DENND1B: variants seen among roughly 807,000 people sequenced by gnomAD.
DENND1B encodes DENN domain-containing protein 1B.
DENND1B carries 59 observed loss-of-function variants against 90.1 expected under a neutral mutation model. The observed-to-expected ratio is 0.65, with a 90% CI of 0.53 to 0.81. DENND1B has a LOEUF of 0.81. Among genes scored for constraint, DENND1B ranks in the 40% least tolerant of loss-of-function variants. The pLI, the probability that DENND1B is intolerant of heterozygous loss-of-function variation, is 0.00. For missense variants in DENND1B, 862 were observed against 912.6 expected, an observed-to-expected ratio of 0.94 and a Z score of 0.71; for synonymous variants, 337 against 324.6, an observed-to-expected ratio of 1.04 and a Z score of -0.41.
At chr1:197,737,261 T>C (rs1014084985) in intron 2 of DENND1B, among the ~76,000 whole-genome samples, 5 of 152,200 alleles carry the variant, frequency 3.3e-5, no homozygotes, top group African/African-American at 7.2e-5. Flanking sequence ...AGCACCACCA[T>C]AGCCCTATTC....
intron 3 of DENND1B, among the ~76,000 whole-genome samples, chr1:197,678,421 C>T (rs930607691): frequency 2.0e-5 from 3 of 152,010 alleles, no homozygotes; most frequent in Non-Finnish European, 2.9e-5. Flanking sequence ...CCATTTTAAT[C>T]GAATTTTTCA....
At chr1:197,702,541 G>A (rs1052627482) in intron 3 of DENND1B, among the ~76,000 whole-genome samples, 7 of 152,126 alleles carry the variant, frequency 4.6e-5, no homozygotes, top group African/African-American at 1.4e-4. Flanking sequence ...TAACCAAAAT[G>A]TGGAATTGAT....
intron 13 of DENND1B, among the ~76,000 whole-genome samples, chr1:197,602,439 T>C (rs1676293543): frequency 6.6e-6 from 1 of 151,462 alleles, no homozygotes; most frequent in Non-Finnish European, 1.5e-5. Flanking sequence ...TAATAAAATG[T>C]TCTCCAAGTT....
At chr1:197,585,103 C>T (rs999220204) in intron 14 of DENND1B, among the ~76,000 whole-genome samples, 55 of 152,120 alleles carry the variant, frequency 3.6e-4, no homozygotes, top group African/African-American at 1.1e-3. Context: ...AATTTATAAT[C>T]TATCGGAGGA....
rs1676762739 is a variant in DENND1B at position 197,607,189 on chromosome 1, C to T, written c.820-15G>A. 1 of 1,497,030 alleles carries T rather than the reference C, an allele frequency of 6.7e-7. No homozygotes were observed. Among genetic ancestry groups the T allele is most frequent in the Non-Finnish European group, 9.2e-7 (1 of 1,089,772 alleles). 92.7% of individuals were successfully genotyped at this position (1,497,030 alleles called of 1,614,324 possible). On this transcript the variant is annotated splice_polypyrimidine_tract_variant and intron_variant, in intron 12 of 22. Transcript: ENST00000620048. ...TTTTTCACTCTCTATAAAAAAAACACAATTATGAATACAAATCAGTATATT... is the reference window on the plus strand; with the variant it reads ...TTTTTCACTCTCTATAAAAAAAACATAATTATGAATACAAATCAGTATATT...
upstream of DENND1B, among the ~76,000 whole-genome samples, chr1:197,779,464 T>C (rs1657377077): frequency 6.6e-6 from 1 of 152,132 alleles, no homozygotes. Flanking sequence ...TCATCAGTTC[T>C]GGAAAATTCT....
intron 13 of DENND1B, among the ~76,000 whole-genome samples, chr1:197,602,122 T>C (rs1233203361): frequency 6.6e-6 from 1 of 151,574 alleles, no homozygotes; most frequent in Non-Finnish European, 1.5e-5. Flanking sequence ...TATATATACG[T>C]CCAGGTTTCT....
chr1:197,674,140 A>G lies in DENND1B; in HGVS notation c.156T>C (p.Cys52=), dbSNP rs368314088. The stretch of plus-strand genomic sequence containing the variant: ...TGTACCTTTCAACGTCAAAGGGAAA[A>G]CAGAACTTTGGCACACTCTGTAGTA... ...QEILQSVPKF[C]FPFDVERVSQ... Residue 52 remains cysteine, a synonymous_variant, in exon 4 of 23, where the codon TGT becomes TGC. Transcript: ENST00000620048. 6.6e-4 allele frequency: 1,063 copies of G among 1,603,370 alleles called. 3 individuals carry two copies. Among genetic ancestry groups the G allele is most frequent in the South Asian group, 1.2e-3 (107 of 89,744 alleles).
intron 2 of DENND1B, among the ~76,000 whole-genome samples, chr1:197,739,447 G>A (rs1380538117): frequency 1.3e-5 from 2 of 152,150 alleles, no homozygotes; most frequent in African/African-American, 4.8e-5. Context: ...ATATTCTCTG[G>A]AATTACATTA....
At chr1:197,615,893 T>C (rs1357269346) in intron 11 of DENND1B, among the ~76,000 whole-genome samples, 2 of 150,806 alleles carry the variant, frequency 1.3e-5, no homozygotes, top group Admixed American at 6.6e-5. Flanking sequence ...CATTAGACAC[T>C]AGAAAGAAAA....
intron 13 of DENND1B, among the ~76,000 whole-genome samples, chr1:197,601,367 G>A (rs1212793857): frequency 6.6e-6 from 1 of 151,690 alleles, no homozygotes; most frequent in Non-Finnish European, 1.5e-5. Context: ...AGGTCACCAG[G>A]TCATTATGAT....
chr1:197,720,796 T>C (rs1375021237), intron 2 of DENND1B, among the ~76,000 whole-genome samples: 2 of 152,194 alleles, frequency 1.3e-5, no homozygotes, highest in Non-Finnish European at 2.9e-5. Flanking sequence ...GACTGTACTA[T>C]AAACCTTAAG....
intron 12 of DENND1B, among the ~76,000 whole-genome samples, chr1:197,608,881 A>G (rs1676932485): frequency 6.6e-6 from 1 of 150,618 alleles, no homozygotes; most frequent in Non-Finnish European, 1.5e-5. Flanking sequence ...AAAGAATAGA[A>G]AAATATATTC....
chr1:197,777,732 C>A (rs1193274850), upstream of DENND1B, among the ~76,000 whole-genome samples: 9 of 152,016 alleles, frequency 5.9e-5, no homozygotes, highest in Admixed American at 2.0e-4. Context: ...CAGGACCATA[C>A]CAGTCAAAGA....
chr1:197,620,149 G>GATAATCCTCC (rs1471511713), intron 10 of DENND1B, among the ~76,000 whole-genome samples: 2 of 151,038 alleles, frequency 1.3e-5, no homozygotes, highest in Non-Finnish European at 3.0e-5. Flanking sequence ...GCATCCCAAA[G>GATAATCCTCC]ATAATCCTCC....
chr1:197,690,133 T>C (rs6691216), intron 3 of DENND1B: 116,276 of 260,342 alleles, frequency 0.45, 29,515 homozygotes, highest in East Asian at 0.66. Context: ...GTAGAGTCTG[T>C]TGAAATGCAC....
At position 197,624,867 on chromosome 1, in the gene DENND1B, A is replaced by C. The variant is rs956275676; in HGVS notation, c.673-7108T>G. ...GCCAAGGCTCGAGAACTATGTGAAG[A>C]ATGCAGAAGCCTCAGGAGCCGATGC... On this transcript the variant is annotated intron_variant, in intron 10 of 22. Transcript: ENST00000620048. Among the ~76,000 whole-genome samples the C allele has an allele frequency of 3.9e-5, 6 of 152,050 alleles. No individual in the cohort carries two copies. The South Asian group carries it at 1.2e-3, about 31-fold the overall frequency.
chr1:197,526,616 T>A (rs1669150708), intron 20 of DENND1B, among the ~76,000 whole-genome samples: 1 of 152,138 alleles, frequency 6.6e-6, no homozygotes, highest in African/African-American at 2.4e-5. Context: ...GGCAATAAAT[T>A]TGAAGAGTAA....
chr1:197,575,288 G>T (rs963698433), intron 15 of DENND1B, among the ~76,000 whole-genome samples: 1 of 151,840 alleles, frequency 6.6e-6, no homozygotes, highest in Non-Finnish European at 1.5e-5. Flanking sequence ...AGGAACAGAC[G>T]CTTCTCAAAA....
Sources: allele counts gnomAD v4.1 joint callset (sites outside exome capture counted in the v4.1 genomes callset), GRCh38; gene constraint gnomAD v4.1.1; transcripts MANE v1.5; gene names NCBI Gene and HGNC (gene_info 2026-07-23, HGNC 2026-07-21).